SLC39A11: variants seen among roughly 807,000 people sequenced by gnomAD.
The protein encoded by SLC39A11 is solute carrier family 39 member 11, also known as zinc transporter ZIP11.
SLC39A11 carries 33 observed loss-of-function variants against 36.1 expected under a neutral mutation model. The observed-to-expected ratio is 0.91, with a 90% CI of 0.69 to 1.22. The LOEUF is 1.22. Among genes scored for constraint, SLC39A11 ranks in the 50% most tolerant of loss-of-function variants. The pLI, the probability that SLC39A11 is intolerant of heterozygous loss-of-function variation, is 0.00. For synonymous variants in SLC39A11, 166 were observed against 170.3 expected, an observed-to-expected ratio of 0.97 and a Z score of 0.20; for missense variants, 432 against 430.3, an observed-to-expected ratio of 1.00 and a Z score of -0.03.
intron 6 of SLC39A11, among the ~76,000 whole-genome samples, chr17:72,803,136 G>A (rs2077149651): frequency 6.6e-6 from 1 of 152,256 alleles, no homozygotes; most frequent in Non-Finnish European, 1.5e-5. Context: ...TCAGTGCGCT[G>A]CTTTAAACCC....
chr17:72,798,147 A>C (rs1198404342), intron 6 of SLC39A11, among the ~76,000 whole-genome samples: 1 of 152,072 alleles, frequency 6.6e-6, no homozygotes, highest in East Asian at 1.9e-4. Flanking sequence ...AGGCAACTTC[A>C]GGTTATGTGT....
At chr17:72,788,220 C>T (rs897427289) in intron 6 of SLC39A11, among the ~76,000 whole-genome samples, 2 of 152,190 alleles carry the variant, frequency 1.3e-5, no homozygotes, top group African/African-American at 4.8e-5. Context: ...CTGGACCCCT[C>T]GACCAGAAAT....
chr17:73,072,664 A>G (rs1267159113), intron 3 of SLC39A11: 3 of 152,154 alleles, frequency 2.0e-5, no homozygotes, highest in Admixed American at 1.3e-4. Flanking sequence ...CTCTTCTTGA[A>G]GCAAGACTTT....
intron 7 of SLC39A11, among the ~76,000 whole-genome samples, chr17:72,657,034 T>C (rs2070159532): frequency 6.6e-6 from 1 of 151,080 alleles, no homozygotes; most frequent in African/African-American, 2.4e-5. Context: ...AAGAACACAA[T>C]TATCAGGCAT....
chr17:73,085,406 G>T (rs534805152), intron 2 of SLC39A11, among the ~76,000 whole-genome samples: 3 of 151,980 alleles, frequency 2.0e-5, no homozygotes, highest in South Asian at 4.1e-4. Context: ...AGCACTTTGC[G>T]AGGCCAAGGC....
At chr17:72,929,879 G>T (rs2084276982) in intron 5 of SLC39A11, among the ~76,000 whole-genome samples, 1 of 152,200 alleles carries the variant, frequency 6.6e-6, no homozygotes, top group Non-Finnish European at 1.5e-5. Flanking sequence ...TGGTACTGAA[G>T]AGTTTCCTCC....
At chr17:72,823,355 T>G (rs1278950043) in intron 6 of SLC39A11, among the ~76,000 whole-genome samples, 1 of 151,244 alleles carries the variant, frequency 6.6e-6, no homozygotes, top group African/African-American at 2.4e-5. Flanking sequence ...CTCAGTAGCC[T>G]GTATCTTCCA....
chr17:72,822,354 T>G (rs2567485), intron 6 of SLC39A11, among the ~76,000 whole-genome samples: 6,769 of 148,152 alleles, frequency 0.046, 480 homozygotes, highest in African/African-American at 0.15. Flanking sequence ...AATATATATA[T>G]AGAGAGAGAG....
intron 7 of SLC39A11, among the ~76,000 whole-genome samples, chr17:72,717,570 G>A (rs550864846): frequency 2.6e-5 from 4 of 152,286 alleles, no homozygotes; most frequent in South Asian, 2.1e-4. Flanking sequence ...GTGTGGCCAC[G>A]GGGCACTGTC....
At chr17:72,767,214 T>C (rs8073197) in intron 6 of SLC39A11, among the ~76,000 whole-genome samples, 22,951 of 152,274 alleles carry the variant, frequency 0.15, 2,540 homozygotes, top group African/African-American at 0.31. Context: ...CCTTCATTAC[T>C]GTTGGAACTG....
chr17:72,703,482 TG>T (rs1173597882), intron 7 of SLC39A11, among the ~76,000 whole-genome samples: 2 of 151,888 alleles, frequency 1.3e-5, no homozygotes, highest in Non-Finnish European at 2.9e-5. Flanking sequence ...AAAGGTAACA[TG>T]GGGGGTTGGG....
chr17:73,068,403 AGG>A (rs1319346128), intron 3 of SLC39A11: 7 of 452,524 alleles, frequency 1.5e-5, no homozygotes, highest in Non-Finnish European at 2.7e-5. Flanking sequence ...GCAGAGAAGC[AGG>A]AAACATCACC....
At chr17:72,854,644 G>A (rs2146096898) in intron 5 of SLC39A11, among the ~76,000 whole-genome samples, 1 of 151,946 alleles carries the variant, frequency 6.6e-6, no homozygotes, top group East Asian at 1.9e-4. Context: ...TTTGTTGTTA[G>A]GAAAAAAAAG....
In SLC39A11 at chr17:72,661,100, A is replaced by T. The variant is rs556214990; in HGVS notation, c.672-11832T>A. On this transcript the variant is annotated intron_variant, in intron 7 of 9. Transcript: ENST00000255559. ...GGCTTCTAGGGAACTTAGCTATGGC[A>T]CGACAGATTTGGGGCTGAGCAACCA... Among the ~76,000 whole-genome samples the T allele has an allele frequency of 1.1e-4, 17 of 152,322 alleles. No homozygotes were observed. The South Asian group carries it at 2.3e-3, about 20-fold the overall frequency.
At chr17:72,808,319 G>T (rs902014322) in intron 6 of SLC39A11, among the ~76,000 whole-genome samples, 1 of 152,200 alleles carries the variant, frequency 6.6e-6, no homozygotes, top group Non-Finnish European at 1.5e-5. Context: ...AGCTTGACAT[G>T]GCAGACTCCA....
intron 7 of SLC39A11, among the ~76,000 whole-genome samples, chr17:72,717,012 C>T (rs1281244100): frequency 4.8e-5 from 7 of 144,752 alleles, no homozygotes; most frequent in African/African-American, 1.9e-4. Context: ...CACACACACA[C>T]ACACACACAC....
At chr17:72,898,828 G>A (rs774294661) in intron 5 of SLC39A11, among the ~76,000 whole-genome samples, 2 of 152,158 alleles carry the variant, frequency 1.3e-5, no homozygotes, top group Non-Finnish European at 1.5e-5. Flanking sequence ...AAGAACCCAC[G>A]TCTCCTGACT....
In SLC39A11 at chr17:72,728,516, TAGTA is replaced by T. The variant is rs201797863; in HGVS notation, c.671+8130_671+8133del. Among the ~76,000 whole-genome samples the T allele has an allele frequency of 7.7e-3, 1,178 of 152,000 alleles. 17 individuals are homozygous for T. Among genetic ancestry groups the T allele is most frequent in the African/African-American group, 0.027 (1,116 of 41,524 alleles). On this transcript the variant is annotated intron_variant, in intron 7 of 9. Coordinates refer to ENST00000255559, the MANE Select transcript of SLC39A11 (RefSeq NM_139177.4). ...TAGTAAATATTTTCAGCTTTGCAGATAGTAAGTATTTCCAGCTTTTCAGCCTTAA... is the reference window on the plus strand; with the variant it reads ...TAGTAAATATTTTCAGCTTTGCAGATAGTATTTCCAGCTTTTCAGCCTTAA...
At chr17:72,904,170 C>T (rs1235844100) in intron 5 of SLC39A11, among the ~76,000 whole-genome samples, 2 of 152,194 alleles carry the variant, frequency 1.3e-5, no homozygotes, top group Non-Finnish European at 2.9e-5. Context: ...CGGTGGCACA[C>T]ACGTGCAGTC....
Sources: allele counts gnomAD v4.1 joint callset (sites outside exome capture counted in the v4.1 genomes callset), GRCh38; gene constraint gnomAD v4.1.1; transcripts MANE v1.5; gene names NCBI Gene and HGNC (gene_info 2026-07-23, HGNC 2026-07-21).